PLOD2: variants seen among roughly 807,000 people sequenced by gnomAD.
The protein encoded by PLOD2 is lysine hydroxylase 2.
A neutral mutation model predicts 101.0 loss-of-function variants in PLOD2; 65 were observed. The observed-to-expected ratio is 0.64, with a 90% CI of 0.53 to 0.79. The LOEUF (loss-of-function observed/expected upper bound fraction) is 0.79, where lower values mean the gene tolerates loss of function less well. PLOD2 is among the 30% of genes least tolerant of loss of function. PLOD2 has a pLI of 0.00. For missense variants in PLOD2, 909 were observed against 914.6 expected, an observed-to-expected ratio of 0.99 and a Z score of 0.08; for synonymous variants, 314 against 302.9, an observed-to-expected ratio of 1.04 and a Z score of -0.38.
chr3:146,118,742 C>T (rs1938038660), intron 3 of PLOD2, among the ~76,000 whole-genome samples: 1 of 151,998 alleles, frequency 6.6e-6, no homozygotes, highest in Non-Finnish European at 1.5e-5. Flanking sequence ...ACACAAAATA[C>T]ATTTACATTA....
At chr3:146,156,413 A>G (rs1348784495) in intron 1 of PLOD2, among the ~76,000 whole-genome samples, 1 of 152,280 alleles carries the variant, frequency 6.6e-6, no homozygotes, top group African/African-American at 2.4e-5. Flanking sequence ...GCACCAAAGC[A>G]GCCAGACAAT....
intron 4 of PLOD2, among the ~76,000 whole-genome samples, chr3:146,107,601 T>G (rs1020944972): frequency 1.3e-4 from 20 of 151,478 alleles, no homozygotes; most frequent in Non-Finnish European, 2.2e-4. Context: ...GGTTGCTCAT[T>G]TTTTGGTTCT....
At chr3:146,077,268 A>C (rs1936380995) in intron 14 of PLOD2, 1 of 548,700 alleles carries the variant, frequency 1.8e-6, no homozygotes, top group East Asian at 1.4e-4. Flanking sequence ...TCTTTCAAAG[A>C]AAGCATCACA....
chr3:146,077,695 C>T, intron 14 of PLOD2, 167 bp downstream of exon 14: 1 of 553,334 alleles, frequency 1.8e-6, no homozygotes, highest in Non-Finnish European at 3.2e-6. Flanking sequence ...TCACACAAGA[C>T]CCATGCCCAA....
At position 146,076,769 on chromosome 3, in the gene PLOD2, A is replaced by G; in HGVS notation, c.1677+13T>C. The G allele has an allele frequency of 8.4e-7, 1 of 1,184,580 alleles. No homozygotes were observed. The highest frequency in any genetic ancestry group is 1.3e-6 in the Non-Finnish European group (1 of 791,780). The allele number at this position is 1,184,580 out of a possible 1,614,324, so 73.4% of individuals were successfully genotyped here. A position where few individuals can be genotyped will look rare whatever the true frequency, so the allele number is the denominator to read the frequency against. On this transcript the variant is annotated intron_variant, in intron 15 of 19. Transcript: ENST00000282903. ...TTATAGAAAAATAATAAAGTTGAGT[A>G]TGAAATACATACCACAGGATTTTCA...
At chr3:146,121,639 G>A (rs933898124) in intron 2 of PLOD2, among the ~76,000 whole-genome samples, 2 of 151,982 alleles carry the variant, frequency 1.3e-5, no homozygotes, top group Admixed American at 6.6e-5. Context: ...GAAGCTCAGT[G>A]ACTCCTTGAT....
At position 146,091,902 on chromosome 3, in the gene PLOD2, C is replaced by G; in HGVS notation, c.778-1G>C. On this transcript the variant is annotated splice_acceptor_variant, in intron 7 of 19. Coordinates refer to ENST00000282903, the MANE Select transcript of PLOD2 (RefSeq NM_182943.3). LOFTEE classifies it high-confidence loss of function. ...AGTTTCCAAAATAATTCAGGAGAAT[C>G]TTGTAAATGAAGGAAAAGGTTATTA... 6.7e-7 allele frequency: 1 copy of G among 1,495,782 alleles called. No homozygotes were observed. The highest frequency in any genetic ancestry group is 1.4e-5 in the African/African-American group (1 of 72,642). The allele number at this position is 1,495,782 out of a possible 1,614,324, so 92.7% of individuals were successfully genotyped here.
chr3:146,155,488 G>A (rs2032260857), intron 1 of PLOD2, among the ~76,000 whole-genome samples: 2 of 151,728 alleles, frequency 1.3e-5, no homozygotes, highest in African/African-American at 4.8e-5. Flanking sequence ...CGAGGGGGTT[G>A]GATCACGAGG....
intron 1 of PLOD2, among the ~76,000 whole-genome samples, chr3:146,143,549 C>A (rs2031633498): frequency 1.3e-5 from 2 of 152,030 alleles, no homozygotes; most frequent in South Asian, 2.1e-4. Flanking sequence ...CTACTGAAAT[C>A]ATCTCTTAAA....
intron 7 of PLOD2, among the ~76,000 whole-genome samples, chr3:146,099,904 C>T (rs1283478098): frequency 3.8e-4 from 45 of 118,610 alleles, no homozygotes; most frequent in Admixed American, 1.9e-4. Flanking sequence ...TTTTTTGAGA[C>T]AGAGTTTTGT....
intron 1 of PLOD2, among the ~76,000 whole-genome samples, chr3:146,140,937 C>T (rs955882866): frequency 3.3e-5 from 5 of 151,980 alleles, no homozygotes; most frequent in Admixed American, 1.3e-4. Context: ...TCTTTAATTT[C>T]CTGGTCTCCA....
chr3:146,154,820 A>G (rs1181612261), intron 1 of PLOD2, among the ~76,000 whole-genome samples: 2 of 152,216 alleles, frequency 1.3e-5, no homozygotes, highest in African/African-American at 2.4e-5. Flanking sequence ...GCATGAGTCA[A>G]TCAGTAACTA....
chr3:146,083,707 G>A (rs531094128), intron 11 of PLOD2, among the ~76,000 whole-genome samples: 5 of 149,498 alleles, frequency 3.3e-5, no homozygotes, highest in Non-Finnish European at 5.9e-5. Context: ...TCAGCTTCCC[G>A]AGTAGCTGGG....
intron 11 of PLOD2, among the ~76,000 whole-genome samples, chr3:146,083,574 T>C (rs1292125772): frequency 3.0e-5 from 1 of 32,978 alleles, no homozygotes; most frequent in Non-Finnish European, 6.1e-5. Context: ...GGTAAGTCTT[T>C]TTCTTTTTTT....
At chr3:146,094,659 A>G (rs951768259) in intron 7 of PLOD2, among the ~76,000 whole-genome samples, 42 of 152,232 alleles carry the variant, frequency 2.8e-4, no homozygotes, top group African/African-American at 9.6e-4. Context: ...AGTAATTTAT[A>G]GATTCAATGT....
intron 11 of PLOD2, among the ~76,000 whole-genome samples, chr3:146,083,302 G>A (rs184459419): frequency 6.6e-6 from 1 of 152,228 alleles, no homozygotes; most frequent in East Asian, 1.9e-4. Flanking sequence ...GATAGGGAGA[G>A]AAGAGGAAAA....
rs767119307 is a variant in PLOD2, at chr3:146,160,986, C to G, written c.4G>C (p.Gly2Arg). The G allele has an allele frequency of 4.4e-6, 7 of 1,573,490 alleles. No homozygotes were observed. The East Asian group carries it at 1.6e-4, about 37-fold the overall frequency. ...AGCTGAGGCTTCACCGTGCATCCCC[C>G]CATATTCGGCCCTCGAGGGCCGCGC... M[G>R]GCTVKPQLLL... The change falls in exon 1 of 20, where the codon GGG becomes CGG. Residue 2 changes from glycine (G) to arginine (R), a missense_variant. Physicochemically the swap from Gly to Arg is moderately radical, Grantham distance 125. Coordinates refer to ENST00000282903, the MANE Select transcript of PLOD2 (RefSeq NM_182943.3).
intron 4 of PLOD2, among the ~76,000 whole-genome samples, chr3:146,109,249 T>G (rs1009014887): frequency 2.0e-5 from 3 of 152,152 alleles, no homozygotes; most frequent in African/African-American, 7.2e-5. Flanking sequence ...TGTAGAAATA[T>G]TGAGACGAAG....
At chr3:146,097,372 G>GA (rs1168588815) in intron 7 of PLOD2, among the ~76,000 whole-genome samples, 2 of 137,864 alleles carry the variant, frequency 1.5e-5, no homozygotes, top group African/African-American at 5.5e-5. Flanking sequence ...GAAGGGTGGG[G>GA]AAAAAATTGA....
Sources: allele counts gnomAD v4.1 joint callset (sites outside exome capture counted in the v4.1 genomes callset), GRCh38; gene constraint gnomAD v4.1.1; transcripts MANE v1.5; gene names NCBI Gene and HGNC (gene_info 2026-07-23, HGNC 2026-07-21).